TMEM41B: variants seen among roughly 807,000 people sequenced by gnomAD.
TMEM41B encodes protein stasimon.
In TMEM41B, 18 loss-of-function variants were observed where a neutral mutation model predicts 31.9. That is an observed-to-expected ratio of 0.56 (90% confidence interval 0.39 to 0.84). TMEM41B has a LOEUF of 0.84. Ranked by LOEUF, TMEM41B falls within the 40% of genes least tolerant of loss-of-function variation. The pLI, the probability that TMEM41B is intolerant of heterozygous loss-of-function variation, is 0.00. For missense variants in TMEM41B, 322 were observed against 348.0 expected (o/e 0.93, Z 0.59); for synonymous variants, 144 against 124.3 (o/e 1.16, Z -1.05).
rs1852710784 is a variant in TMEM41B at position 9,281,137 on chromosome 11, G to A, written c.*2287C>T. 1.3e-5 allele frequency: 2 copies of A among 152,044 alleles called. No individual in the cohort carries two copies. Among genetic ancestry groups the A allele is most frequent in the South Asian group, 2.1e-4 (1 of 4,824 alleles). 9.4% of individuals were successfully genotyped at this position (152,044 alleles called of 1,614,324 possible). On this transcript the variant is annotated 3_prime_UTR_variant, in exon 7 of 7. Transcript: ENST00000528080. Reference sequence around the variant, plus strand: ...AATAGAGTAAGTACAATTTACACACGCTGGAGTAAATAGTGAAGCTTCTAC... The same window carrying A: ...AATAGAGTAAGTACAATTTACACACACTGGAGTAAATAGTGAAGCTTCTAC...
intron 1 of TMEM41B, among the ~76,000 whole-genome samples, chr11:9,300,242 C>T (rs186502745): frequency 6.6e-6 from 1 of 152,200 alleles, no homozygotes; most frequent in East Asian, 1.9e-4. Context: ...GAACACCAGA[C>T]TCTGTAGCAT....
At chr11:9,286,702 C>T (rs1852845018) in intron 5 of TMEM41B, 109 bp from the exon 6 acceptor site, 1 of 1,175,534 alleles carries the variant, frequency 8.5e-7, no homozygotes, top group Non-Finnish European at 1.2e-6. Flanking sequence ...TCAGAGTATA[C>T]CCAATAGAAA....
chr11:9,294,859 A>G (rs1364045807), intron 3 of TMEM41B, among the ~76,000 whole-genome samples: 1 of 152,104 alleles, frequency 6.6e-6, no homozygotes, highest in Non-Finnish European at 1.5e-5. Context: ...AATTAACAAC[A>G]AATTATACCT....
At chr11:9,305,385 G>T (rs1199751291) in intron 1 of TMEM41B, among the ~76,000 whole-genome samples, 1 of 152,058 alleles carries the variant, frequency 6.6e-6, no homozygotes, top group African/African-American at 2.4e-5. Context: ...GATTGCCTGA[G>T]GTCAAGGGTT....
intron 1 of TMEM41B, among the ~76,000 whole-genome samples, chr11:9,309,594 G>A (rs1213502560): frequency 6.6e-6 from 1 of 151,296 alleles, no homozygotes; most frequent in African/African-American, 2.4e-5. Context: ...TAGCAAGGCA[G>A]GATCTAGACC....
chr11:9,294,720 C>A (rs1329193764), intron 3 of TMEM41B, among the ~76,000 whole-genome samples: 1 of 151,782 alleles, frequency 6.6e-6, no homozygotes, highest in African/African-American at 2.4e-5. Flanking sequence ...TAATATATTT[C>A]TATAAAATAT....
At chr11:9,296,055 C>T (rs1853078031) in intron 2 of TMEM41B, among the ~76,000 whole-genome samples, 1 of 149,724 alleles carries the variant, frequency 6.7e-6, no homozygotes, top group Admixed American at 6.7e-5. Flanking sequence ...CGGGGTTTCA[C>T]CATGTTGGCC....
chr11:9,301,772 C>G (rs1016106452), intron 1 of TMEM41B, among the ~76,000 whole-genome samples: 1 of 152,062 alleles, frequency 6.6e-6, no homozygotes, highest in African/African-American at 2.4e-5. Flanking sequence ...GGTTGTCAAG[C>G]GATAGTGGGA....
intron 2 of TMEM41B, 30 bp downstream of exon 2, chr11:9,299,554 C>A (rs201455362): frequency 8.0e-6 from 11 of 1,378,390 alleles, no homozygotes; most frequent in Non-Finnish European, 1.1e-5. Flanking sequence ...AATATCTATA[C>A]ATTTTCAGTT....
At chr11:9,287,836 T>C (rs770755219) in intron 4 of TMEM41B, 30 bp from the exon 5 acceptor site, 1 of 1,538,218 alleles carries the variant, frequency 6.5e-7, no homozygotes, top group Admixed American at 1.8e-5. Context: ...ATAAGCGTTT[T>C]GTATTTTTCC....
intron 2 of TMEM41B, among the ~76,000 whole-genome samples, chr11:9,298,424 A>T (rs1590380750): frequency 6.8e-6 from 1 of 146,002 alleles, no homozygotes; most frequent in Non-Finnish European, 1.5e-5. Flanking sequence ...GCACCATTGC[A>T]CTCCAGCCTG....
At chr11:9,311,680 G>A (rs1853565972) in intron 1 of TMEM41B, 3 of 789,722 alleles carry the variant, frequency 3.8e-6, no homozygotes, top group Non-Finnish European at 6.8e-6. Flanking sequence ...CTGGCACTGG[G>A]ATTCCACATG....
At chr11:9,297,652 C>T (rs183340702) in intron 2 of TMEM41B, among the ~76,000 whole-genome samples, 45 of 152,018 alleles carry the variant, frequency 3.0e-4, no homozygotes, top group African/African-American at 9.9e-4. Context: ...GATTGCACCA[C>T]GGCACTCCAG....
At chr11:9,291,901 T>C (rs1487196128) in intron 3 of TMEM41B, among the ~76,000 whole-genome samples, 2 of 152,048 alleles carry the variant, frequency 1.3e-5, no homozygotes, top group Non-Finnish European at 2.9e-5. Flanking sequence ...AGAGACAGGG[T>C]TTCACCATCT....
In TMEM41B at chr11:9,282,940, G is replaced by GAAAAAAA. The variant is rs56313114; in HGVS notation, c.*477_*483dup. The GAAAAAAA allele has an allele frequency of 2.2e-5, 2 of 92,602 alleles. No homozygotes were observed. Among genetic ancestry groups the GAAAAAAA allele is most frequent in the Admixed American group, 1.3e-4 (1 of 7,692 alleles). 5.7% of individuals were successfully genotyped at this position (92,602 alleles called of 1,614,324 possible). A position where few individuals can be genotyped will look rare whatever the true frequency, so the allele number is the denominator to read the frequency against. On this transcript the variant is annotated 3_prime_UTR_variant, in exon 7 of 7. Coordinates refer to ENST00000528080, the MANE Select transcript of TMEM41B (RefSeq NM_015012.4). ...CAGAGCTAGACTCCGTCTCAAAACA[G>GAAAAAAA]AAAAAAAAAAAAAAAAAAAAAGAGG... is the stretch of plus-strand genomic sequence containing the variant.
chr11:9,283,807 G>C (rs1031750405), intron 6 of TMEM41B, among the ~76,000 whole-genome samples: 1 of 147,828 alleles, frequency 6.8e-6, no homozygotes, highest in East Asian at 2.0e-4. Flanking sequence ...TTTTTGAGAC[G>C]GAGTTTCGCT....
chr11:9,284,471 A>T (rs1300883844), intron 6 of TMEM41B, among the ~76,000 whole-genome samples: 1 of 151,928 alleles, frequency 6.6e-6, no homozygotes, highest in African/African-American at 2.4e-5. Flanking sequence ...CCTTAAAAGA[A>T]AAAAAAACAG....
intron 1 of TMEM41B, among the ~76,000 whole-genome samples, chr11:9,313,705 A>C (rs1853617791): frequency 1.3e-5 from 2 of 152,336 alleles, no homozygotes; most frequent in African/African-American, 4.8e-5. Context: ...TTCATATCCA[A>C]GCATTGCTCT....
Position 9,303,572 on chromosome 11 carries a change from T to C in TMEM41B, c.122-3871A>G, listed in dbSNP as rs1249818138. Among the ~76,000 whole-genome samples, 6 of 151,914 alleles carry C rather than the reference T, an allele frequency of 3.9e-5. No individual in the cohort carries two copies. In the South Asian group the frequency reaches 6.2e-4, roughly 16 times the overall value. On this transcript the variant is annotated intron_variant, in intron 1 of 6. Transcript: ENST00000528080. ...TTCATTAAATTTAGCAAGTTTTCTA[T>C]AAAAAACTAAATTATCTTTTCCTAC...
Sources: gnomAD v4.1 joint callset for allele counts (sites outside exome capture counted in the v4.1 genomes callset) on GRCh38, gnomAD v4.1.1 for gene constraint, MANE v1.5 for transcripts, NCBI Gene and HGNC (gene_info 2026-07-23, HGNC 2026-07-21) for gene names.